Variants in ANK2 observed in about 807,000 individuals in gnomAD.
ANK2 encodes ankyrin 2.
A neutral mutation model predicts 360.5 loss-of-function variants in ANK2; 83 were observed. The observed-to-expected ratio is 0.23, with a 90% CI of 0.19 to 0.28. The LOEUF (loss-of-function observed/expected upper bound fraction) is 0.28. ANK2 is among the 10% of genes least tolerant of loss of function. The pLI is 1.00. For missense variants in ANK2, 4,201 were observed against 4,795.7 expected (o/e 0.88, Z 3.66); for synonymous variants, 1,740 against 1,759.5 (o/e 0.99, Z 0.28).
intron 2 of ANK2, among the ~76,000 whole-genome samples, chr4:112,996,425 A>C (rs1051230394): frequency 1.3e-5 from 2 of 152,194 alleles, no homozygotes; most frequent in African/African-American, 4.8e-5. Context: ...ATACTCTAAT[A>C]AAACTATATT....
chr4:112,750,354 C>T, the ANK2 span, among the ~76,000 whole-genome samples: 9 of 151,714 alleles, frequency 5.9e-5, no homozygotes, highest in Non-Finnish European at 1.2e-4. Context: ...GAGTGAGAGC[C>T]TGTCTCAAAA....
At chr4:113,044,841 C>T (rs943116915), upstream of ANK2, among the ~76,000 whole-genome samples, 5 of 152,056 alleles carry the variant, frequency 3.3e-5, no homozygotes, top group Non-Finnish European at 5.9e-5. Flanking sequence ...TTAACTGGGG[C>T]TTGAACATAT....
chr4:112,861,425 A>G lies in ANK2; in HGVS notation c.-39-43030A>G, dbSNP rs1287367451. On this transcript the variant is annotated intron_variant, in intron 1 of 30. Coordinates refer to the ANK2 transcript ENST00000503271. ...CGTTGAGACTCAAACTAAAAATGCAATTGCTCTGATCTACTAGAAGTTTGT... is the reference window on the plus strand; with the variant it reads ...CGTTGAGACTCAAACTAAAAATGCAGTTGCTCTGATCTACTAGAAGTTTGT... Among the ~76,000 whole-genome samples the G allele has an allele frequency of 2.6e-5, 4 of 152,312 alleles. 1 individual carries two copies. In the South Asian group the frequency reaches 6.2e-4, roughly 24 times the overall value.
chr4:113,184,985 T>C (rs2098488568), intron 2 of ANK2, among the ~76,000 whole-genome samples: 1 of 152,164 alleles, frequency 6.6e-6, no homozygotes, highest in Non-Finnish European at 1.5e-5. Context: ...GTTAATTTGC[T>C]GGGAATGATG....
intron 1 of ANK2, among the ~76,000 whole-genome samples, chr4:112,875,107 C>T (rs1001902079): frequency 2.0e-5 from 3 of 151,654 alleles, no homozygotes; most frequent in South Asian, 2.1e-4. Context: ...CTGTAACCTC[C>T]GCCTCCTGGG....
At chr4:113,314,005 G>A (rs919229231) in intron 24 of ANK2, among the ~76,000 whole-genome samples, 1 of 152,144 alleles carries the variant, frequency 6.6e-6, no homozygotes, top group African/African-American at 2.4e-5. Flanking sequence ...ACATTAGCAT[G>A]GCTTTCCCCA....
At chr4:112,878,427 A>G (rs1455375380) in intron 1 of ANK2, among the ~76,000 whole-genome samples, 3 of 152,012 alleles carry the variant, frequency 2.0e-5, no homozygotes, top group African/African-American at 4.8e-5. Flanking sequence ...CCCAGGTTCA[A>G]GCGATTCTCC....
intron 2 of ANK2, among the ~76,000 whole-genome samples, chr4:113,031,698 G>C (rs555026571): frequency 8.6e-5 from 13 of 151,824 alleles, no homozygotes; most frequent in African/African-American, 2.4e-4. Context: ...GTAACTGCAG[G>C]GTTCAGCAGG....
chr4:113,144,444 T>C (rs2096753575), intron 1 of ANK2, among the ~76,000 whole-genome samples: 1 of 151,788 alleles, frequency 6.6e-6, no homozygotes, highest in African/African-American at 2.4e-5. Flanking sequence ...CAAATGGTTT[T>C]TAGCTTTAAA....
chr4:113,117,947 A>G (rs766629161), intron 1 of ANK2, among the ~76,000 whole-genome samples: 1 of 152,154 alleles, frequency 6.6e-6, no homozygotes, highest in Non-Finnish European at 1.5e-5. Context: ...AAGCTGCACT[A>G]AGAATATTGG....
the ANK2 span, among the ~76,000 whole-genome samples, chr4:112,812,074 C>CAAAAAAA: frequency 1.4e-4 from 11 of 79,154 alleles, no homozygotes; most frequent in African/African-American, 2.4e-4. Context: ...GACTCCGTCT[C>CAAAAAAA]AAAAAAAAAA....
At chr4:112,810,182 T>TTTTTTTTTTTTTG in the ANK2 span, among the ~76,000 whole-genome samples, 1 of 111,790 alleles carries the variant, frequency 8.9e-6, no homozygotes, top group African/African-American at 3.3e-5. Context: ...TTTTTTTTTT[T>TTTTTTTTTTTTTG]GTAGCAATGG....
chr4:113,293,533 AC>A lies in ANK2; in HGVS notation c.2472del (p.Thr825GlnfsTer9). 6.2e-7 allele frequency: 1 copy of A among 1,612,186 alleles called. No homozygotes were observed. ...KVVTEEVTTT[T>X]TTITEKHKLN... ...TGTGACTGAGGAGGTCACCACCACC[AC>A]CACAGTGAGTATGAGTGACTGACTA... On this transcript the variant is annotated frameshift_variant, in exon 22 of 46. Coordinates refer to ENST00000357077, the MANE Select transcript of ANK2 (RefSeq NM_001148.6). LOFTEE classifies it high-confidence loss of function.
intron 22 of ANK2, among the ~76,000 whole-genome samples, chr4:113,300,086 A>G (rs1297387302): frequency 6.7e-6 from 1 of 148,794 alleles, no homozygotes; most frequent in Non-Finnish European, 1.5e-5. Context: ...CAAATTGTAT[A>G]TTATAATAGT....
chr4:113,202,137 A>T (rs2153418976), intron 4 of ANK2, among the ~76,000 whole-genome samples: 1 of 152,268 alleles, frequency 6.6e-6, no homozygotes, highest in African/African-American at 2.4e-5. Flanking sequence ...AATAGTTGAA[A>T]AAAAGTATTA....
At chr4:113,252,682 G>A (rs1259918020) in intron 10 of ANK2, among the ~76,000 whole-genome samples, 1 of 152,120 alleles carries the variant, frequency 6.6e-6, no homozygotes, top group Non-Finnish European at 1.5e-5. Flanking sequence ...GGGTCCTTCA[G>A]TCATAGTTTC....
chr4:113,097,885 C>A (rs1226260828), intron 1 of ANK2, among the ~76,000 whole-genome samples: 1 of 81,870 alleles, frequency 1.2e-5, no homozygotes, highest in Admixed American at 1.0e-4. Context: ...TGCACACACA[C>A]ACACACGCAC....
chr4:112,763,746 T>G, the ANK2 span, among the ~76,000 whole-genome samples: 1 of 151,288 alleles, frequency 6.6e-6, no homozygotes, highest in Non-Finnish European at 1.5e-5. Flanking sequence ...GGTCTTGATC[T>G]CCTGACCTCG....
intron 2 of ANK2, among the ~76,000 whole-genome samples, chr4:112,947,831 T>A (rs1028072281): frequency 1.3e-5 from 2 of 152,252 alleles, no homozygotes; most frequent in Non-Finnish European, 2.9e-5. Flanking sequence ...TGATTACTAT[T>A]ATTACTACTG....
Sources: allele counts gnomAD v4.1 joint callset (sites outside exome capture counted in the v4.1 genomes callset), GRCh38; gene constraint gnomAD v4.1.1; transcripts MANE v1.5; gene names NCBI Gene and HGNC (gene_info 2026-07-23, HGNC 2026-07-21).